Variants in TENM1 observed in about 807,000 individuals in gnomAD.
The protein encoded by TENM1 is teneurin transmembrane protein 1, also known as teneurin-1.
Under a neutral mutation model 174.8 loss-of-function variants are expected in TENM1, and 35 were observed. The ratio of observed to expected loss-of-function variants is 0.20; its 90% confidence interval spans 0.15 to 0.27. TENM1 has a LOEUF of 0.27. TENM1 is among the 10% of genes least tolerant of loss of function. The pLI, the probability that TENM1 is intolerant of heterozygous loss-of-function variation, is 1.00. For synonymous variants in TENM1, 781 were observed against 798.7 expected (o/e 0.98, Z 0.37); for missense variants, 1,633 against 2,130.1 (o/e 0.77, Z 4.59).
At chrX:124,783,553 C>T (rs773806023) in intron 3 of TENM1, among the ~76,000 whole-genome samples, 8 of 110,855 alleles carry the variant, frequency 7.2e-5, no homozygotes, top group African/African-American at 2.6e-4. Flanking sequence ...GTTTAGTAAG[C>T]TTCTATCATA....
intron 4 of TENM1, among the ~76,000 whole-genome samples, chrX:124,717,300 G>A (rs1362112654): frequency 9.0e-6 from 1 of 111,699 alleles, no homozygotes; most frequent in Non-Finnish European, 1.9e-5. Flanking sequence ...GACCTAGACA[G>A]GACATCCATG....
At chrX:124,607,508 A>G (rs1832361997) in intron 11 of TENM1, among the ~76,000 whole-genome samples, 1 of 111,443 alleles carries the variant, frequency 9.0e-6, no homozygotes, top group Non-Finnish European at 1.9e-5. Flanking sequence ...GAGAATACTG[A>G]AGAAAAAAAA....
chrX:124,721,999 T>C (rs188325459), intron 4 of TENM1, among the ~76,000 whole-genome samples: 141 of 112,361 alleles, frequency 1.3e-3, no homozygotes, highest in Non-Finnish European at 1.5e-3. Flanking sequence ...AGAAAAAGTA[T>C]TTAGCTACAA....
the TENM1 span, among the ~76,000 whole-genome samples, chrX:125,096,614 G>T: frequency 2.7e-5 from 3 of 111,669 alleles, no homozygotes; most frequent in Admixed American, 2.9e-4. Context: ...TCTTGAGGCT[G>T]GTGTTAAAGA....
intron 1 of TENM1, among the ~76,000 whole-genome samples, chrX:124,952,133 G>A (rs776678022): frequency 9.0e-6 from 1 of 111,512 alleles, no homozygotes; most frequent in East Asian, 2.8e-4. Flanking sequence ...CTTAGAGTAT[G>A]TGGGATGGGA....
chrX:124,563,395 T>C (rs1464676401), intron 13 of TENM1, among the ~76,000 whole-genome samples: 1 of 108,312 alleles, frequency 9.2e-6, no homozygotes, highest in Non-Finnish European at 1.9e-5. Flanking sequence ...TTAAAAATTA[T>C]TTAATAATTA....
At chrX:124,409,525 G>C (rs2060505996) in intron 25 of TENM1, among the ~76,000 whole-genome samples, 1 of 109,787 alleles carries the variant, frequency 9.1e-6, no homozygotes, top group Non-Finnish European at 1.9e-5. Flanking sequence ...TCTGGCCAGG[G>C]CAATCAGGCA....
chrX:124,585,315 T>A (rs202107758), intron 11 of TENM1, among the ~76,000 whole-genome samples: 11 of 110,966 alleles, frequency 9.9e-5, no homozygotes, highest in South Asian at 3.8e-4. Flanking sequence ...ATGTAAAAGA[T>A]CAGAAATTAT....
At chrX:124,888,320 A>G (rs1646071463) in intron 3 of TENM1, among the ~76,000 whole-genome samples, 1 of 111,543 alleles carries the variant, frequency 9.0e-6, no homozygotes, top group Non-Finnish European at 1.9e-5. Flanking sequence ...ACAGAACAAC[A>G]TAGGGAGCTC....
chrX:124,469,048 A>T (rs1229786367), intron 22 of TENM1, among the ~76,000 whole-genome samples: 2 of 110,649 alleles, frequency 1.8e-5, no homozygotes, highest in African/African-American at 6.6e-5. Flanking sequence ...CTGTCCATAC[A>T]CTCTTCTTCA....
chrX:124,503,245 C>A (rs1002631157), intron 19 of TENM1, among the ~76,000 whole-genome samples: 6 of 111,072 alleles, frequency 5.4e-5, no homozygotes, highest in Non-Finnish European at 1.1e-4. Flanking sequence ...GGGTAGCAAA[C>A]TCAGTTTGTC....
intron 11 of TENM1, among the ~76,000 whole-genome samples, chrX:124,622,935 A>T (rs1280838337): frequency 8.9e-6 from 1 of 112,152 alleles, no homozygotes; most frequent in Non-Finnish European, 1.9e-5. Context: ...AAGGGCATGA[A>T]CACAATTTAG....
chrX:124,873,063 G>T (rs2057138409), intron 3 of TENM1, among the ~76,000 whole-genome samples: 2 of 111,008 alleles, frequency 1.8e-5, no homozygotes, highest in South Asian at 7.5e-4. Flanking sequence ...ACATTGGAAG[G>T]AGCCCTTTAA....
chrX:124,791,094 G>C (rs2055169506), intron 3 of TENM1, among the ~76,000 whole-genome samples: 1 of 111,870 alleles, frequency 8.9e-6, no homozygotes, highest in Non-Finnish European at 1.9e-5. Flanking sequence ...AAGGTAACTT[G>C]TGTTATTTAA....
chrX:125,064,227 T>G, the TENM1 span, among the ~76,000 whole-genome samples: 116 of 110,220 alleles, frequency 1.1e-3, no homozygotes, highest in Non-Finnish European at 2.0e-3. Context: ...AGTTAATGGG[T>G]GCAGCACACC....
At chrX:124,926,482 C>A (rs187203028) in intron 1 of TENM1, among the ~76,000 whole-genome samples, 112 of 111,432 alleles carry the variant, frequency 1.0e-3, no homozygotes, top group African/African-American at 3.5e-3. Flanking sequence ...TTTTCAATAG[C>A]AATTCTATAG....
chrX:125,187,270 G>A, the TENM1 span, among the ~76,000 whole-genome samples: 3 of 111,996 alleles, frequency 2.7e-5, no homozygotes, highest in Admixed American at 9.5e-5. Context: ...AAAAACAAAA[G>A]AGAAAAAAGT....
chrX:125,092,819 G>A, the TENM1 span, among the ~76,000 whole-genome samples: 5,646 of 112,004 alleles, frequency 0.05, 105 homozygotes, highest in Middle Eastern at 0.14. Flanking sequence ...TCGATGAATG[G>A]TAAGCGTTTT....
At chrX:124,655,951 T>A (rs1372601535) in intron 6 of TENM1, among the ~76,000 whole-genome samples, 1 of 112,292 alleles carries the variant, frequency 8.9e-6, no homozygotes, top group Non-Finnish European at 1.9e-5. Flanking sequence ...ATGTCTTCAA[T>A]GAGCAGACAA....
Sources: gnomAD v4.1 joint callset for allele counts (sites outside exome capture counted in the v4.1 genomes callset) on GRCh38, gnomAD v4.1.1 for gene constraint, MANE v1.5 for transcripts, NCBI Gene and HGNC (gene_info 2026-07-23, HGNC 2026-07-21) for gene names.